ROBO1: variants seen among roughly 807,000 people sequenced by gnomAD.
ROBO1 encodes roundabout guidance receptor 1, also known as roundabout homolog 1.
Under a neutral mutation model 195.9 loss-of-function variants are expected in ROBO1, and 149 were observed. The observed-to-expected ratio is 0.76, with a 90% confidence interval of 0.67 to 0.87. ROBO1 has a LOEUF of 0.87. ROBO1 is among the 40% of genes least tolerant of loss of function. The probability of loss-of-function intolerance (pLI) is 0.00; values close to 1 mark genes in which losing one functional copy is unlikely to be tolerated. For synonymous variants in ROBO1, 816 were observed against 733.2 expected, an observed-to-expected ratio of 1.11 and a Z score of -1.82; for missense variants, 1,933 against 2,068.3, an observed-to-expected ratio of 0.93 and a Z score of 1.27.
chr3:78,977,211 C>G lies in ROBO1; in HGVS notation c.173-38284G>C, dbSNP rs536713795. Among the ~76,000 whole-genome samples, 12 of 152,248 alleles carry G rather than the reference C, an allele frequency of 7.9e-5. No homozygotes were observed. The East Asian group carries it at 9.7e-4, about 12-fold the overall frequency. ...CATCCACAACCTCATCTCAGTCTATCTTTTTAAACCTCAATTCCCACAGTT... is the reference window on the plus strand; with the variant it reads ...CATCCACAACCTCATCTCAGTCTATGTTTTTAAACCTCAATTCCCACAGTT... On this transcript the variant is annotated intron_variant, in intron 3 of 30. Coordinates refer to ENST00000464233, the MANE Select transcript of ROBO1 (RefSeq NM_002941.4).
At chr3:78,820,743 T>C (rs908846889) in intron 4 of ROBO1, among the ~76,000 whole-genome samples, 3 of 152,172 alleles carry the variant, frequency 2.0e-5, no homozygotes, top group Non-Finnish European at 4.4e-5. Context: ...TGTAACTATA[T>C]TAAAACTGCT....
intron 4 of ROBO1, among the ~76,000 whole-genome samples, chr3:78,807,673 G>C (rs1053291518): frequency 1.3e-5 from 2 of 152,288 alleles, no homozygotes; most frequent in South Asian, 2.1e-4. Context: ...GAAGAGTGTT[G>C]TATAAAAACA....
intron 14 of ROBO1, 23 bp downstream of exon 14, chr3:78,667,860 G>A (rs759408473): frequency 1.2e-6 from 2 of 1,608,442 alleles, no homozygotes; most frequent in Non-Finnish European, 1.7e-6. Context: ...AGGTGTCACA[G>A]GTTTAAGTAA....
At chr3:79,178,474 A>G (rs576521489) in intron 2 of ROBO1, among the ~76,000 whole-genome samples, 1 of 152,368 alleles carries the variant, frequency 6.6e-6, no homozygotes, top group South Asian at 2.1e-4. Context: ...AAAAATAAAA[A>G]AAACACACAC....
intron 4 of ROBO1, among the ~76,000 whole-genome samples, chr3:78,871,322 A>G (rs780915942): frequency 3.9e-5 from 6 of 152,174 alleles, no homozygotes; most frequent in Non-Finnish European, 7.3e-5. Context: ...CATGTGAGTC[A>G]GTTTCATTTT....
At position 79,721,574 on chromosome 3, in the gene ROBO1, T is replaced by G. The variant is rs181480615; in HGVS notation, c.-51+46178A>C. Among the ~76,000 whole-genome samples the G allele has an allele frequency of 6.6e-5, 10 of 152,306 alleles. No individual in the cohort carries two copies. In the East Asian group the frequency reaches 1.9e-3, roughly 29 times the overall value. On this transcript the variant is annotated intron_variant, in intron 1 of 30. Transcript: ENST00000464233. ...TCTATGCTTAATTTTCTAGGCCCAC[T>G]TTCAAATTTTACTAAAACAGACCTT...
At chr3:79,392,916 A>C (rs531465858) in intron 2 of ROBO1, among the ~76,000 whole-genome samples, 4 of 152,338 alleles carry the variant, frequency 2.6e-5, no homozygotes, top group South Asian at 2.1e-4. Flanking sequence ...CAAGGTCACA[A>C]ATTATGAAGA....
chr3:78,884,633 G>GAGAAAGAA lies in ROBO1; in HGVS notation c.499+53960_499+53967dup, dbSNP rs796879832. Reference sequence around the variant, plus strand: ...AGAGAGAAAGAAAGAGAGAAAGAAAGAGAAAGAAAGAAAGAAAGGAAGGAA... The same window carrying GAGAAAGAA: ...AGAGAGAAAGAAAGAGAGAAAGAAAGAGAAAGAAAGAAAGAAAGAAAGAAAGGAAGGAA... On this transcript the variant is annotated intron_variant, in intron 4 of 30. Transcript: ENST00000464233. Among the ~76,000 whole-genome samples, 134 of 87,516 alleles carry GAGAAAGAA rather than the reference G, an allele frequency of 1.5e-3. 2 individuals carry two copies. The highest frequency in any genetic ancestry group is 6.2e-3 in the Middle Eastern group (1 of 162). The allele number at this position is 87,516 out of a possible 152,430, so 57.4% of individuals were successfully genotyped here.
At chr3:79,528,361 C>A (rs1392292193) in intron 2 of ROBO1, among the ~76,000 whole-genome samples, 1 of 152,084 alleles carries the variant, frequency 6.6e-6, no homozygotes, top group Non-Finnish European at 1.5e-5. Flanking sequence ...CATTACATTG[C>A]AATGAGATTT....
intron 4 of ROBO1, among the ~76,000 whole-genome samples, chr3:78,839,565 T>G (rs922638743): frequency 6.6e-6 from 1 of 152,084 alleles, no homozygotes; most frequent in African/African-American, 2.4e-5. Flanking sequence ...TAATATTCAT[T>G]AAATAATTTT....
At chr3:79,140,017 AT>A (rs1298878923) in intron 2 of ROBO1, among the ~76,000 whole-genome samples, 1 of 152,168 alleles carries the variant, frequency 6.6e-6, no homozygotes, top group Non-Finnish European at 1.5e-5. Context: ...TTTTTATAGC[AT>A]TTAAATGATG....
At chr3:78,932,241 A>T (rs1011965395) in intron 4 of ROBO1, among the ~76,000 whole-genome samples, 2 of 152,182 alleles carry the variant, frequency 1.3e-5, no homozygotes, top group African/African-American at 4.8e-5. Context: ...GTTTTTAAAG[A>T]CAGTACTGTT....
At chr3:78,929,659 C>T (rs998568088) in intron 4 of ROBO1, among the ~76,000 whole-genome samples, 21 of 151,714 alleles carry the variant, frequency 1.4e-4, no homozygotes, top group African/African-American at 4.4e-4. Flanking sequence ...TGCACCACCA[C>T]GCCCGGCTAA....
intron 5 of ROBO1, among the ~76,000 whole-genome samples, chr3:78,736,229 A>G (rs367869378): frequency 1.3e-5 from 2 of 152,178 alleles, no homozygotes; most frequent in African/African-American, 4.8e-5. Context: ...TGAGTACCCT[A>G]AAAGACTAAA....
rs747832151 is a variant in ROBO1, at chr3:78,631,218, G to T, written c.3569C>A (p.Pro1190Gln). 6.2e-7 allele frequency: 1 copy of T among 1,613,224 alleles called. No individual in the cohort carries two copies. The highest frequency in any genetic ancestry group is 8.5e-7 in the Non-Finnish European group (1 of 1,179,562). ...ATTGCTGTGTGGAGGAGGATGTGCT[G>T]GGGGAGGAGGAAGCAGGTCTGCCCA... ...MNWADLLPPP[P>Q]AHPPPHSNSE... is the part of the protein sequence containing the mutation. Residue 1190 changes from proline to glutamine, a missense_variant, in exon 25 of 31, where the codon CCA (proline) becomes CAA (glutamine). By Grantham distance (76) the Pro-to-Gln change is moderately conservative (BLOSUM62 -1). Transcript: ENST00000464233.
chr3:79,578,270 T>A (rs1943558120), intron 2 of ROBO1, among the ~76,000 whole-genome samples: 1 of 152,170 alleles, frequency 6.6e-6, no homozygotes, highest in African/African-American at 2.4e-5. Context: ...ATAAAAGTAT[T>A]TTGGTGGAAA....
chr3:79,367,173 T>G (rs1481179762), intron 2 of ROBO1, among the ~76,000 whole-genome samples: 1 of 152,196 alleles, frequency 6.6e-6, no homozygotes, highest in Non-Finnish European at 1.5e-5. Flanking sequence ...AATTAAAACA[T>G]CTTACATGCA....
chr3:79,351,100 G>A (rs1345639573), intron 2 of ROBO1, among the ~76,000 whole-genome samples: 2 of 152,112 alleles, frequency 1.3e-5, no homozygotes, highest in African/African-American at 4.8e-5. Flanking sequence ...TCTAATTGGT[G>A]AATTGCAAGG....
rs182942626 is a variant in ROBO1 at position 78,710,843 on chromosome 3, T to C, written c.1045+3554A>G. ...CCCTGTCAGTTCATCAAGTAACTCC[T>C]CATTCCTGAGGTTTGTGAAGTTGCT... On this transcript the variant is annotated intron_variant, in intron 8 of 30. Transcript: ENST00000464233. Among the ~76,000 whole-genome samples the C allele has an allele frequency of 4.1e-3, 631 of 152,338 alleles. 1 individual carries two copies. The highest frequency in any genetic ancestry group is 6.3e-3 in the Non-Finnish European group (429 of 68,032).
Sources: gnomAD v4.1 joint callset for allele counts (sites outside exome capture counted in the v4.1 genomes callset) on GRCh38, gnomAD v4.1.1 for gene constraint, MANE v1.5 for transcripts, NCBI Gene and HGNC (gene_info 2026-07-23, HGNC 2026-07-21) for gene names.